Variants in DGKZ observed in about 807,000 individuals in gnomAD.
The protein encoded by DGKZ is DAG kinase zeta.
In DGKZ, 45 loss-of-function variants were observed where a neutral mutation model predicts 142.5. The observed-to-expected ratio is 0.32, with a 90% CI of 0.25 to 0.40. DGKZ has a LOEUF of 0.40. Ranked by LOEUF, DGKZ falls within the 10% of genes least tolerant of loss-of-function variation. DGKZ has a pLI of 1.00. For missense variants in DGKZ, 755 were observed against 1,306.5 expected, an observed-to-expected ratio of 0.58 and a Z score of 6.51; for synonymous variants, 442 against 527.0, an observed-to-expected ratio of 0.84 and a Z score of 2.21.
intron 25 of DGKZ, 151 bp from the exon 26 acceptor site, chr11:46,378,047 T>C (rs1944755930): frequency 1.0e-6 from 1 of 955,750 alleles, no homozygotes; most frequent in Admixed American, 2.1e-5. Context: ...CTCGTTTCCC[T>C]GCTGTATCCC....
At chr11:46,365,116 G>A (rs1249197315) in intron 1 of DGKZ, 1 of 985,324 alleles carries the variant, frequency 1.0e-6, no homozygotes, top group African/African-American at 1.7e-5. Context: ...CTGGCAGAGG[G>A]AGCAAAGCAT....
chr11:46,375,656 C>G, intron 20 of DGKZ, 25 bp downstream of exon 20: 2 of 1,537,284 alleles, frequency 1.3e-6, no homozygotes, highest in Non-Finnish European at 1.7e-6. Flanking sequence ...GCCACGTGCC[C>G]TGGGTGCCAA....
At chr11:46,345,451 C>T, upstream of DGKZ, 1 of 1,475,856 alleles carries the variant, frequency 6.8e-7, no homozygotes, top group Non-Finnish European at 9.0e-7. The surrounding 1 kb of genome is among the most constrained non-coding windows in gnomAD (Gnocchi z 4.1). Flanking sequence ...GGGGAAGCTG[C>T]AATGAATCCT....
chr11:46,365,983 CA>C (rs1418788455), intron 1 of DGKZ: 4 of 985,332 alleles, frequency 4.1e-6, no homozygotes, highest in Non-Finnish European at 4.8e-6. Context: ...CCCTAGGGTG[CA>C]ATGGGGGAGA....
rs2136462268 is a variant in DGKZ, at chr11:46,367,119, A to T, written c.162-172A>T. The T allele has an allele frequency of 3.1e-6, 4 of 1,299,592 alleles. No homozygotes were observed. Among genetic ancestry groups the T allele is most frequent in the Middle Eastern group, 5.3e-4 (2 of 3,776 alleles). 80.5% of individuals were successfully genotyped at this position (1,299,592 alleles called of 1,614,324 possible). A position where few individuals can be genotyped will look rare whatever the true frequency, so the allele number is the denominator to read the frequency against. ...CTGGGCAGTACCCTGAAGCCAGCGT[A>T]CCCCAAAAGGCCATGTCTCTTGCAG... On this transcript the variant is annotated intron_variant, in intron 1 of 30. Transcript: ENST00000527911. This position sits in a 1 kb window ranked among gnomAD's most constrained non-coding sequence, Gnocchi z 4.1.
intron 1 of DGKZ, among the ~76,000 whole-genome samples, chr11:46,356,163 G>C (rs920710729): frequency 6.6e-6 from 1 of 152,192 alleles, no homozygotes; most frequent in Admixed American, 6.5e-5. Flanking sequence ...AGAAGAGTGG[G>C]GGCCCGCGAG....
At chr11:46,371,256 G>A (rs1943910942) in intron 6 of DGKZ, 57 bp from the exon 7 acceptor site, 1 of 1,542,966 alleles carries the variant, frequency 6.5e-7, no homozygotes, top group Non-Finnish European at 8.9e-7. Context: ...CCAGGAGAGG[G>A]GCTGGGTCTG....
chr11:46,376,281 C>T (rs1187370522), intron 22 of DGKZ, 47 bp from the exon 23 acceptor site: 2 of 1,612,330 alleles, frequency 1.2e-6, no homozygotes, highest in Non-Finnish European at 8.5e-7. Context: ...TCCCTTCCCT[C>T]CCTGGCCCCC....
intron 14 of DGKZ, 117 bp downstream of exon 14, chr11:46,373,218 C>A: frequency 8.5e-7 from 1 of 1,174,850 alleles, no homozygotes; most frequent in Non-Finnish European, 1.2e-6. Flanking sequence ...ACTTCCACTT[C>A]TTCCTTGTAC....
intron 24 of DGKZ, 146 bp downstream of exon 24, chr11:46,376,710 G>C: frequency 2.7e-6 from 3 of 1,096,946 alleles, no homozygotes; most frequent in Non-Finnish European, 4.0e-6. Context: ...TGTGTGCATG[G>C]ACAGCGTGCG....
chr11:46,364,123 C>T (rs967365203), intron 1 of DGKZ, among the ~76,000 whole-genome samples: 2 of 152,242 alleles, frequency 1.3e-5, no homozygotes, highest in African/African-American at 4.8e-5. Context: ...CCCATCCCAG[C>T]CTCATGTTCC....
At chr11:46,376,606 G>A (rs1838979805) in intron 24 of DGKZ, 42 bp downstream of exon 24, 1 of 1,611,768 alleles carries the variant, frequency 6.2e-7, no homozygotes. Flanking sequence ...CTGCTTCCGG[G>A]CCCCAGGGTC....
chr11:46,339,565 C>G (rs992605652), intron 1 of DGKZ, among the ~76,000 whole-genome samples: 2 of 152,230 alleles, frequency 1.3e-5, no homozygotes, highest in African/African-American at 4.8e-5. Context: ...ATCGGGATCC[C>G]AGGAGAGGGT....
At chr11:46,333,664 CCTT>C (rs763429310) in intron 1 of DGKZ, among the ~76,000 whole-genome samples, 15 of 152,174 alleles carry the variant, frequency 9.9e-5, no homozygotes, top group Non-Finnish European at 2.1e-4. Context: ...TTCTGAGACT[CCTT>C]CTCTGCCTGA....
intron 1 of DGKZ, among the ~76,000 whole-genome samples, chr11:46,363,740 C>T (rs1041494818): frequency 3.9e-5 from 6 of 152,232 alleles, no homozygotes; most frequent in African/African-American, 1.4e-4. Flanking sequence ...TAATCTCCTC[C>T]AGGCTGGGCA....
rs564158799 is a variant in DGKZ at position 46,376,507 on chromosome 11, T to C, written c.2162-17T>C. 6.2e-7 allele frequency: 1 copy of C among 1,613,718 alleles called. No individual in the cohort carries two copies. The highest frequency in any genetic ancestry group is 1.3e-5 in the African/African-American group (1 of 75,044). On this transcript the variant is annotated splice_polypyrimidine_tract_variant and intron_variant, in intron 23 of 30. Transcript: ENST00000527911. The stretch of plus-strand genomic sequence containing the variant: ...GACATGGCACTCCCTGATCCTCAGC[T>C]GCCCTCTCTCCCACAGCCACCACTG...
At chr11:46,376,284 T>C (rs767671268) in intron 22 of DGKZ, 44 bp from the exon 23 acceptor site, 11 of 1,612,548 alleles carry the variant, frequency 6.8e-6, no homozygotes, top group Non-Finnish European at 9.3e-6. Context: ...CTTCCCTCCC[T>C]GGCCCCCACT....
intron 1 of DGKZ, chr11:46,366,860 C>T (rs764401862): frequency 2.6e-6 from 4 of 1,545,938 alleles, no homozygotes; most frequent in Non-Finnish European, 3.5e-6. Flanking sequence ...CCCTGGGGGC[C>T]GAAGAGCCTC....
At chr11:46,373,651 C>G (rs1242987155) in intron 14 of DGKZ, among the ~76,000 whole-genome samples, 1 of 152,096 alleles carries the variant, frequency 6.6e-6, no homozygotes, top group Non-Finnish European at 1.5e-5. Flanking sequence ...GCACCCGCCA[C>G]CACACCCGGC....
Sources: gnomAD v4.1 joint callset for allele counts (sites outside exome capture counted in the v4.1 genomes callset) on GRCh38, gnomAD v4.1.1 for gene constraint, Gnocchi (gnomAD v3.1) non-coding constraint, MANE v1.5 for transcripts, NCBI Gene and HGNC (gene_info 2026-07-23, HGNC 2026-07-21) for gene names.